PRKN: variants seen among roughly 807,000 people sequenced by gnomAD.
The protein encoded by PRKN is E3 ubiquitin-protein ligase parkin.
Under a neutral mutation model 59.5 loss-of-function variants are expected in PRKN, and 56 were observed. The ratio of observed to expected loss-of-function variants is 0.94; its 90% CI spans 0.76 to 1.18. The LOEUF (loss-of-function observed/expected upper bound fraction) is 1.18. PRKN is among the 50% of genes most tolerant of loss of function. The pLI is 0.00. For missense variants in PRKN, 657 were observed against 596.4 expected (o/e 1.10, Z -1.06); for synonymous variants, 250 against 222.1 (o/e 1.13, Z -1.12).
intron 9 of PRKN, among the ~76,000 whole-genome samples, chr6:161,476,705 G>A (rs1791100594): frequency 1.3e-5 from 2 of 152,204 alleles, no homozygotes; most frequent in African/African-American, 4.8e-5. Flanking sequence ...TGGCGGTTTA[G>A]TCACACAGTG....
At chr6:162,274,416 A>G (rs2023090) in intron 2 of PRKN, among the ~76,000 whole-genome samples, 88,213 of 151,932 alleles carry the variant, frequency 0.58, 28,726 homozygotes, top group East Asian at 0.92. Flanking sequence ...TCAAACTTCT[A>G]GGCTCAAGTG....
chr6:162,255,809 A>C (rs1231078656), intron 3 of PRKN, among the ~76,000 whole-genome samples: 1 of 152,190 alleles, frequency 6.6e-6, no homozygotes, highest in African/African-American at 2.4e-5. Context: ...TCTAGCAACA[A>C]AAATTCTGTA....
chr6:162,014,546 C>T (rs1782860312), intron 5 of PRKN, among the ~76,000 whole-genome samples: 1 of 152,154 alleles, frequency 6.6e-6, no homozygotes, highest in Non-Finnish European at 1.5e-5. Flanking sequence ...TCACGCATGT[C>T]CGCACGGATC....
At chr6:162,118,304 C>T (rs1247875754) in intron 4 of PRKN, among the ~76,000 whole-genome samples, 3 of 151,496 alleles carry the variant, frequency 2.0e-5, no homozygotes, top group Non-Finnish European at 2.9e-5. Flanking sequence ...ACTTGGGAGG[C>T]TGAGACAGGA....
intron 5 of PRKN, among the ~76,000 whole-genome samples, chr6:162,036,867 TA>T (rs1783870424): frequency 6.6e-6 from 1 of 152,112 alleles, no homozygotes; most frequent in Non-Finnish European, 1.5e-5. Flanking sequence ...ACCGTGCAAT[TA>T]TAATAAAAGA....
chr6:161,674,380 A>G (rs879541947), intron 7 of PRKN, among the ~76,000 whole-genome samples: 1 of 152,158 alleles, frequency 6.6e-6, no homozygotes, highest in Non-Finnish European at 1.5e-5. Context: ...ACTCATCTGC[A>G]TTATCATTAC....
chr6:162,517,309 A>G (rs12111428), intron 1 of PRKN, among the ~76,000 whole-genome samples: 13,236 of 149,546 alleles, frequency 0.089, 633 homozygotes, highest in South Asian at 0.17. Context: ...GTGCAGTGAC[A>G]CAATCTCGGC....
intron 8 of PRKN, among the ~76,000 whole-genome samples, chr6:161,559,059 A>AAC (rs1780354099): frequency 1.4e-5 from 2 of 138,596 alleles, no homozygotes; most frequent in South Asian, 2.3e-4. Context: ...TAAAAAAAAA[A>AAC]AAAAAAACCA....
At chr6:161,577,200 C>T (rs1377017812) in intron 7 of PRKN, among the ~76,000 whole-genome samples, 1 of 152,192 alleles carries the variant, frequency 6.6e-6, no homozygotes, top group Non-Finnish European at 1.5e-5. Context: ...ATTTACTACT[C>T]ATGACAACCC....
chr6:161,617,483 T>A (rs1046632732), intron 7 of PRKN, among the ~76,000 whole-genome samples: 6 of 152,256 alleles, frequency 3.9e-5, no homozygotes, highest in African/African-American at 1.4e-4. Context: ...TGCTCCGTTA[T>A]TAACAATCTA....
At chr6:161,753,862 A>G (rs1788798957) in intron 7 of PRKN, among the ~76,000 whole-genome samples, 1 of 152,158 alleles carries the variant, frequency 6.6e-6, no homozygotes, top group Non-Finnish European at 1.5e-5. Context: ...TACATTTTAA[A>G]AAGATGTGTG....
At chr6:161,970,420 T>TATAC (rs1489430938) in intron 6 of PRKN, among the ~76,000 whole-genome samples, 27 of 149,476 alleles carry the variant, frequency 1.8e-4, no homozygotes, top group African/African-American at 4.4e-4. Context: ...TATATATATA[T>TATAC]ACATACACAC....
chr6:162,192,353 G>T (rs1784314806), intron 4 of PRKN, among the ~76,000 whole-genome samples: 1 of 148,112 alleles, frequency 6.8e-6, no homozygotes, highest in Non-Finnish European at 1.5e-5. Context: ...ATTAGAAAAA[G>T]CACTATACAA....
chr6:162,614,328 A>G (rs1047121006), intron 1 of PRKN, among the ~76,000 whole-genome samples: 1 of 152,124 alleles, frequency 6.6e-6, no homozygotes, highest in Non-Finnish European at 1.5e-5. Context: ...TTGTGCCATA[A>G]ACCTGTAAGT....
At position 162,618,563 on chromosome 6, in the gene PRKN, C is replaced by T. The variant is rs183302924; in HGVS notation, c.7+109099G>A. On this transcript the variant is annotated intron_variant, in intron 1 of 11. Coordinates refer to ENST00000366898, the MANE Select transcript of PRKN (RefSeq NM_004562.3). ...AGTAAAGGTTTTCTTCGTGAGTACG[C>T]TCTGAATCTAAATAAGCCTCAGTCC... is the stretch of plus-strand genomic sequence containing the variant. 5.3e-3 allele frequency among the ~76,000 whole-genome samples: 814 copies of T among 152,296 alleles called. 8 individuals are homozygous for T. The highest frequency in any genetic ancestry group is 6.4e-3 in the Non-Finnish European group (434 of 68,022).
intron 4 of PRKN, among the ~76,000 whole-genome samples, chr6:162,192,924 T>C (rs1784344613): frequency 6.6e-6 from 1 of 152,174 alleles, no homozygotes; most frequent in South Asian, 2.1e-4. Flanking sequence ...GTCCTCATGA[T>C]GCTGAGCTTT....
chr6:162,179,125 C>T (rs1050559990), intron 4 of PRKN, among the ~76,000 whole-genome samples: 1 of 152,202 alleles, frequency 6.6e-6, no homozygotes, highest in South Asian at 2.1e-4. Context: ...AGCAACGCTC[C>T]TGCCTCGGCC....
At chr6:161,995,170 CAA>C (rs1781795745) in intron 5 of PRKN, among the ~76,000 whole-genome samples, 1 of 152,076 alleles carries the variant, frequency 6.6e-6, no homozygotes, top group Admixed American at 6.5e-5. Flanking sequence ...ACAAAGGTAA[CAA>C]TGACAAACAT....
At chr6:162,325,419 T>C (rs1783225503) in intron 2 of PRKN, among the ~76,000 whole-genome samples, 1 of 152,142 alleles carries the variant, frequency 6.6e-6, no homozygotes, top group Non-Finnish European at 1.5e-5. Context: ...ACAGCCTCAA[T>C]TTACTATAAA....
Sources: gnomAD v4.1 joint callset for allele counts (sites outside exome capture counted in the v4.1 genomes callset) on GRCh38, gnomAD v4.1.1 for gene constraint, MANE v1.5 for transcripts, NCBI Gene and HGNC (gene_info 2026-07-23, HGNC 2026-07-21) for gene names.